The following GALNT5 variants were observed in gnomAD, a reference collection of about 807,000 sequenced individuals.
The protein encoded by GALNT5 is UDP-GalNAc:polypeptide N-acetylgalactosaminyltransferase 5.
GALNT5 carries 72 observed loss-of-function variants against 85.4 expected under a neutral mutation model. The observed-to-expected ratio is 0.84, with a 90% CI of 0.70 to 1.03. The LOEUF (loss-of-function observed/expected upper bound fraction) is 1.03, where lower values mean the gene tolerates loss of function less well. Ranked by LOEUF, GALNT5 falls within the 50% of genes least tolerant of loss-of-function variation. The pLI is 0.00. For synonymous variants in GALNT5, 404 were observed against 397.0 expected (o/e 1.02, Z -0.21); for missense variants, 1,137 against 1,135.5 (o/e 1.00, Z -0.02).
chr2:157,258,387 A>C lies in GALNT5; in HGVS notation c.305A>C (p.Glu102Ala). The part of the protein sequence containing the change: ...RKTEESVLKV[E>A]VDLDQTQRER... ...ACTGAGGAGAGTGTGCTCAAGGTTGAGGTGGACTTGGACCAAACCCAGAGG... is the reference window on the plus strand; with the variant it reads ...ACTGAGGAGAGTGTGCTCAAGGTTGCGGTGGACTTGGACCAAACCCAGAGG... Residue 102 changes from glutamate to alanine, a missense_variant, in exon 1 of 10, where the codon GAG becomes GCG. Glu to Ala is a moderately radical substitution (Grantham distance 107). Coordinates refer to ENST00000259056, the MANE Select transcript of GALNT5 (RefSeq NM_014568.3). 6.2e-7 allele frequency: 1 copy of C among 1,611,410 alleles called. No individual in the cohort carries two copies. The highest frequency in any genetic ancestry group is 2.2e-5 in the East Asian group (1 of 44,816).
At chr2:157,285,663 G>A (rs373927744) in intron 2 of GALNT5, among the ~76,000 whole-genome samples, 68 of 152,242 alleles carry the variant, frequency 4.5e-4, no homozygotes, top group African/African-American at 1.6e-3. Flanking sequence ...TTTGCAAGAG[G>A]TGGGGCTGAG....
Position 157,295,641 on chromosome 2 carries a change from TTGTG to T in GALNT5, c.1742-16_1742-13del. 1.2e-6 allele frequency: 2 copies of T among 1,600,924 alleles called. No homozygotes were observed. Among genetic ancestry groups the T allele is most frequent in the Non-Finnish European group, 1.7e-6 (2 of 1,172,142 alleles). ...CAATATATCGTATTTTCTAAGTTTT[TTGTG>T]TGTGTTTGGCCCTCTAGGTGATGTG... On this transcript the variant is annotated intron_variant, in intron 3 of 9. Coordinates refer to ENST00000259056, the MANE Select transcript of GALNT5 (RefSeq NM_014568.3).
rs1203725844 is a variant in GALNT5 at position 157,317,194 on chromosome 2, A to ATTTTT, written c.*5847_*5848insTTTTT. On this transcript the variant is annotated 3_prime_UTR_variant, in exon 10 of 10. Transcript: ENST00000259056. Reference sequence around the variant, plus strand: ...TGTGTGTATATATATATATATATATATATATTTTTTTTTTTGATGCTTTGA... The same window carrying ATTTTT: ...TGTGTGTATATATATATATATATATATTTTTTATATTTTTTTTTTTGATGCTTTGA... 7.5e-6 allele frequency among the ~76,000 whole-genome samples: 1 copy of ATTTTT among 132,824 alleles called. No individual in the cohort carries two copies. The allele number at this position is 132,824 out of a possible 152,430, so 87.1% of individuals were successfully genotyped here.
In GALNT5 at chr2:157,258,401, C is replaced by T. The variant is rs765829357; in HGVS notation, c.319C>T (p.Gln107Ter). ...SVLKVEVDLD[Q>*]TQRERKMQNA... is the part of the protein sequence containing the mutation. ...GCTCAAGGTTGAGGTGGACTTGGACCAAACCCAGAGGGAAAGAAAAATGCA... is the reference window on the plus strand; with the variant it reads ...GCTCAAGGTTGAGGTGGACTTGGACTAAACCCAGAGGGAAAGAAAAATGCA... Residue 107 changes from glutamine (Q) to a stop codon, truncating the protein, a stop_gained, in exon 1 of 10, where the codon CAA becomes TAA. Transcript: ENST00000259056. LOFTEE classifies it high-confidence loss of function. The T allele has an allele frequency of 6.2e-7, 1 of 1,610,660 alleles. No individual in the cohort carries two copies. The highest frequency in any genetic ancestry group is 1.7e-5 in the Admixed American group (1 of 59,412).
rs1292694926 is a variant in GALNT5, at chr2:157,317,198, A to ATATT, written c.*5851_*5852insATTT. On this transcript the variant is annotated 3_prime_UTR_variant, in exon 10 of 10. Transcript: ENST00000259056. ...TGTATATATATATATATATATATAT[A>ATATT]TTTTTTTTTTTGATGCTTTGATCTG... is the stretch of plus-strand genomic sequence containing the variant. Among the ~76,000 whole-genome samples, 236 of 132,964 alleles carry ATATT rather than the reference A, an allele frequency of 1.8e-3. No homozygotes were observed. The highest frequency in any genetic ancestry group is 4.4e-3 in the African/African-American group (156 of 35,570). 87.2% of individuals were successfully genotyped at this position (132,964 alleles called of 152,430 possible).
Position 157,317,883 on chromosome 2 carries a change from T to A in GALNT5, c.*6535T>A, listed in dbSNP as rs1428734690. 6.6e-6 allele frequency among the ~76,000 whole-genome samples: 1 copy of A among 152,180 alleles called. No homozygotes were observed. The highest frequency in any genetic ancestry group is 1.5e-5 in the Non-Finnish European group (1 of 68,008). ...CAGTTATCTCATGTTCTTCATGAAC[T>A]ATATACACATTTTCATTGTCTTTAA... On this transcript the variant is annotated 3_prime_UTR_variant, in exon 10 of 10. Transcript: ENST00000259056.
At chr2:157,302,727 G>C (rs1221479372) in intron 7 of GALNT5, 1 of 152,194 alleles carries the variant, frequency 6.6e-6, no homozygotes, top group Non-Finnish European at 1.5e-5. Flanking sequence ...TAACCTGAGT[G>C]AGTTCCTATG....
At chr2:157,304,321 A>G (rs923763277) in intron 7 of GALNT5, among the ~76,000 whole-genome samples, 4 of 152,196 alleles carry the variant, frequency 2.6e-5, no homozygotes, top group Non-Finnish European at 4.4e-5. Context: ...AGGATTTTTG[A>G]TAGAGATTCC....
At chr2:157,297,048 T>C (rs536143927) in intron 5 of GALNT5, among the ~76,000 whole-genome samples, 23 of 152,300 alleles carry the variant, frequency 1.5e-4, no homozygotes, top group Non-Finnish European at 2.4e-4. Context: ...AGAACACAGC[T>C]TAGACTTGAA....
intron 1 of GALNT5, among the ~76,000 whole-genome samples, chr2:157,266,284 A>C (rs951309921): frequency 2.6e-5 from 4 of 152,204 alleles, no homozygotes; most frequent in African/African-American, 9.7e-5. Context: ...ATGGTAAAGT[A>C]ATTTGCCCAA....
intron 1 of GALNT5, among the ~76,000 whole-genome samples, chr2:157,283,694 G>A (rs752650270): frequency 1.4e-5 from 2 of 141,684 alleles, no homozygotes; most frequent in East Asian, 2.0e-4. Context: ...AACCACTTGG[G>A]AACATTAAAT....
chr2:157,297,985 A>C (rs1441757787), intron 5 of GALNT5, among the ~76,000 whole-genome samples: 1 of 152,192 alleles, frequency 6.6e-6, no homozygotes, highest in Non-Finnish European at 1.5e-5. Flanking sequence ...TTATTTTTAC[A>C]TAAAGACTCA....
intron 5 of GALNT5, among the ~76,000 whole-genome samples, chr2:157,299,334 G>A (rs769978607): frequency 6.6e-6 from 1 of 152,138 alleles, no homozygotes; most frequent in African/African-American, 2.4e-5. Context: ...ACTAGTTCCA[G>A]GATGCATCTT....
intron 3 of GALNT5, among the ~76,000 whole-genome samples, chr2:157,289,047 A>C (rs1683036369): frequency 6.6e-6 from 1 of 152,218 alleles, no homozygotes; most frequent in African/African-American, 2.4e-5. Context: ...TTTTGTCCAT[A>C]TAAATTTGAG....
intron 3 of GALNT5, among the ~76,000 whole-genome samples, chr2:157,294,217 C>T (rs1683159790): frequency 6.6e-6 from 1 of 152,160 alleles, no homozygotes; most frequent in Non-Finnish European, 1.5e-5. Flanking sequence ...GCAACAGTAT[C>T]AACAGGAGGC....
chr2:157,282,146 T>C (rs901143149), intron 1 of GALNT5, among the ~76,000 whole-genome samples: 1 of 152,196 alleles, frequency 6.6e-6, no homozygotes, highest in African/African-American at 2.4e-5. Flanking sequence ...GATCACTACA[T>C]GAAGATAGTG....
intron 1 of GALNT5, among the ~76,000 whole-genome samples, chr2:157,273,680 T>A (rs969281075): frequency 2.7e-5 from 4 of 147,330 alleles, no homozygotes; most frequent in Admixed American, 6.8e-5. Flanking sequence ...TTTGCTCTTG[T>A]TGCCCAGGCT....
At chr2:157,263,118 C>G (rs1343355023) in intron 1 of GALNT5, among the ~76,000 whole-genome samples, 5 of 151,676 alleles carry the variant, frequency 3.3e-5, no homozygotes, top group Non-Finnish European at 7.4e-5. Context: ...TGAGCCACCG[C>G]ATCCGGCCCA....
intron 1 of GALNT5, among the ~76,000 whole-genome samples, chr2:157,260,505 A>C (rs1254685443): frequency 6.6e-6 from 1 of 152,216 alleles, no homozygotes; most frequent in Non-Finnish European, 1.5e-5. Flanking sequence ...TGGCCCACTG[A>C]TAAGTGAAGG....
Sources: allele counts gnomAD v4.1 joint callset (sites outside exome capture counted in the v4.1 genomes callset), GRCh38; gene constraint gnomAD v4.1.1; transcripts MANE v1.5; gene names NCBI Gene and HGNC (gene_info 2026-07-23, HGNC 2026-07-21).